The following SETD9 variants were observed in gnomAD, a reference collection of about 807,000 sequenced individuals.
The protein encoded by SETD9 is SET domain-containing protein 9.
In SETD9, 37 loss-of-function variants were observed where a neutral mutation model predicts 36.4. The ratio of observed to expected loss-of-function variants is 1.02; its 90% CI spans 0.78 to 1.34. The LOEUF is 1.34. Ranked by LOEUF, SETD9 falls within the 40% of genes most tolerant of loss-of-function variation. The probability of loss-of-function intolerance (pLI) is 0.00; values close to 1 mark genes in which losing one functional copy is unlikely to be tolerated. For synonymous variants in SETD9, 128 were observed against 132.9 expected (o/e 0.96, Z 0.26); for missense variants, 323 against 353.2 (o/e 0.91, Z 0.69).
chr5:56,926,523 T>C (rs894980711), downstream of SETD9, among the ~76,000 whole-genome samples: 1 of 151,722 alleles, frequency 6.6e-6, no homozygotes, highest in Non-Finnish European at 1.5e-5. Context: ...AATTACAAAT[T>C]AAAACAAAAA....
At chr5:56,919,238 G>A (rs530377804), downstream of SETD9, among the ~76,000 whole-genome samples, 2 of 149,098 alleles carry the variant, frequency 1.3e-5, no homozygotes, top group South Asian at 4.2e-4. Context: ...CAATTTTCCT[G>A]CCTCAGCCTC....
chr5:56,910,539 CAGG>C (rs902910144), intron 1 of SETD9: 2 of 525,380 alleles, frequency 3.8e-6, no homozygotes, highest in African/African-American at 2.0e-5. Flanking sequence ...GCTAGGGAAA[CAGG>C]AGATCAGTTG....
Position 56,911,353 on chromosome 5 carries a change from C to A in SETD9, c.283C>A (p.Gln95Lys). The A allele has an allele frequency of 6.2e-7, 1 of 1,611,798 alleles. No homozygotes were observed. The highest frequency in any genetic ancestry group is 1.1e-5 in the South Asian group (1 of 90,530). Residue 95 changes from glutamine (Q) to lysine (K), a missense_variant, in exon 2 of 6, where the codon CAA becomes AAA. Transcript: ENST00000285947. ...KYQDLLAVEH[Q>K]GVKLLENRHQ... ...TCAAGACCTACTGGCAGTTGAACAT[C>A]AAGGGGTGAAACTGCTTGAAAACAG...
chr5:56,911,606 AC>A, intron 2 of SETD9, 70 bp downstream of exon 2: 1 of 1,432,112 alleles, frequency 7.0e-7, no homozygotes, highest in Non-Finnish European at 9.2e-7. Context: ...TCAGTAACAT[AC>A]CCAGCCTTGC....
At chr5:56,921,273 G>A (rs962869774), downstream of SETD9, 4 of 152,452 alleles carry the variant, frequency 2.6e-5, no homozygotes, top group Admixed American at 6.5e-5. Context: ...TATAGAAAGT[G>A]TACTGATTTT....
intron 5 of SETD9, 145 bp downstream of exon 5, chr5:56,915,111 T>C: frequency 2.3e-6 from 1 of 437,698 alleles, no homozygotes; most frequent in Non-Finnish European, 4.0e-6. Context: ...CACCTTAACG[T>C]GTTAATGTAG....
Position 56,911,241 on chromosome 5 carries a change from G to T in SETD9, c.171G>T (p.Leu57=). ...ATGAAGATGTCCTAGGAACATTACTGAAAGTTTTCCAGGCTCTATTCTTAA... is the reference window on the plus strand; with the variant it reads ...ATGAAGATGTCCTAGGAACATTACTTAAAGTTTTCCAGGCTCTATTCTTAA... The part of the protein sequence containing the change: ...ISDEDVLGTL[L]KVFQALFLND... Residue 57 remains leucine, a synonymous_variant, in exon 2 of 6, where the codon CTG becomes CTT. Coordinates refer to ENST00000285947, the MANE Select transcript of SETD9 (RefSeq NM_153706.4). 1 of 1,606,170 alleles carries T rather than the reference G, an allele frequency of 6.2e-7. No individual in the cohort carries two copies. Among genetic ancestry groups the T allele is most frequent in the South Asian group, 1.1e-5 (1 of 89,598 alleles).
chr5:56,914,173 T>C (rs534148938), intron 4 of SETD9, among the ~76,000 whole-genome samples, 184 bp downstream of exon 4: 1 of 152,332 alleles, frequency 6.6e-6, no homozygotes, highest in Non-Finnish European at 1.5e-5. Flanking sequence ...ATATACATTA[T>C]TTAGAATTGT....
intron 5 of SETD9, among the ~76,000 whole-genome samples, chr5:56,924,923 C>A (rs1298379247): frequency 6.6e-6 from 1 of 152,180 alleles, no homozygotes; most frequent in Admixed American, 6.5e-5. Flanking sequence ...ATACAGTATA[C>A]CTTTCAATAA....
At chr5:56,918,674 GTCCTT>G (rs1427237330), downstream of SETD9, among the ~76,000 whole-genome samples, 1 of 152,120 alleles carries the variant, frequency 6.6e-6, no homozygotes, top group East Asian at 1.9e-4. Context: ...ATGTGCTAAG[GTCCTT>G]TCGTGTCTGA....
chr5:56,917,076 C>T lies in SETD9; in HGVS notation c.*174C>T. 7.7e-7 allele frequency: 1 copy of T among 1,292,770 alleles called. No homozygotes were observed. Among genetic ancestry groups the T allele is most frequent in the African/African-American group, 1.6e-5 (1 of 64,468 alleles). The allele number at this position is 1,292,770 out of a possible 1,614,324, so 80.1% of individuals were successfully genotyped here. ...TTATGTTCCAATTTCATGATAAAAG[C>T]TACTTGCTTCATTACAATTTCAAAT... On this transcript the variant is annotated 3_prime_UTR_variant, in exon 6 of 6. Coordinates refer to ENST00000285947, the MANE Select transcript of SETD9 (RefSeq NM_153706.4).
At chr5:56,927,414 C>T (rs1240305514), downstream of SETD9, among the ~76,000 whole-genome samples, 2 of 152,074 alleles carry the variant, frequency 1.3e-5, no homozygotes, top group Non-Finnish European at 2.9e-5. Context: ...AAACTAAAGT[C>T]CATTAGCTTT....
intron 5 of SETD9, chr5:56,923,286 T>G (rs1171529933): frequency 6.2e-7 from 1 of 1,614,160 alleles, no homozygotes; most frequent in Admixed American, 1.7e-5. Flanking sequence ...CCCAGGTTAT[T>G]TACAGAAACT....
At chr5:56,923,190 C>G (rs773576707) in intron 5 of SETD9, 2 of 1,613,992 alleles carry the variant, frequency 1.2e-6, no homozygotes, top group South Asian at 2.2e-5. Context: ...CCATTGGTCT[C>G]GTTGGCAGAG....
chr5:56,917,710 A>C (rs1427380804), downstream of SETD9, among the ~76,000 whole-genome samples: 1 of 152,228 alleles, frequency 6.6e-6, no homozygotes, highest in Non-Finnish European at 1.5e-5. Flanking sequence ...CCTTGTGCAG[A>C]GAATAGCCTG....
At chr5:56,922,512 T>C (rs144432702) in intron 5 of SETD9, 3 of 152,998 alleles carry the variant, frequency 2.0e-5, no homozygotes, top group Non-Finnish European at 2.9e-5. Context: ...ACTTGCTGTT[T>C]TGTAAACTGA....
chr5:56,922,573 T>C (rs1749722609), intron 5 of SETD9: 1 of 153,408 alleles, frequency 6.5e-6, no homozygotes, highest in Non-Finnish European at 1.5e-5. Context: ...AAAAAATCCT[T>C]GCATGTTTGT....
exon 6 of SETD9, chr5:56,925,496 A>G (rs1475677292): frequency 7.1e-6 from 2 of 282,714 alleles, no homozygotes; most frequent in Non-Finnish European, 1.4e-5. Flanking sequence ...TTAAAACACA[A>G]GACCATTTAC....
chr5:56,915,721 T>C (rs1749391409), intron 5 of SETD9, among the ~76,000 whole-genome samples: 1 of 152,226 alleles, frequency 6.6e-6, no homozygotes, highest in Non-Finnish European at 1.5e-5. Flanking sequence ...CTCAGCACTT[T>C]GGGAGGCCAA....
Sources: gnomAD v4.1 joint callset for allele counts (sites outside exome capture counted in the v4.1 genomes callset) on GRCh38, gnomAD v4.1.1 for gene constraint, MANE v1.5 for transcripts, NCBI Gene and HGNC (gene_info 2026-07-23, HGNC 2026-07-21) for gene names.